The following SMARCC1 variants were observed in gnomAD, a reference collection of about 807,000 sequenced individuals.
The protein encoded by SMARCC1 is SWI/SNF related BAF chromatin remodeling complex subunit C1.
A neutral mutation model predicts 147.4 loss-of-function variants in SMARCC1; 43 were observed. The observed-to-expected ratio is 0.29, with a 90% CI of 0.23 to 0.38. The LOEUF (loss-of-function observed/expected upper bound fraction) is 0.38. Among genes scored for constraint, SMARCC1 ranks in the 10% least tolerant of loss-of-function variants. The pLI is 1.00. For synonymous variants in SMARCC1, 495 were observed against 484.4 expected, an observed-to-expected ratio of 1.02 and a Z score of -0.29; for missense variants, 1,119 against 1,381.1, an observed-to-expected ratio of 0.81 and a Z score of 3.01.
At chr3:47,624,740 G>A (rs1344344127) in intron 24 of SMARCC1, among the ~76,000 whole-genome samples, 4 of 152,056 alleles carry the variant, frequency 2.6e-5, no homozygotes, top group African/African-American at 9.7e-5. Context: ...AGTTTATAGG[G>A]CAAGCGATGA....
At chr3:47,639,575 G>A (rs1291529841) in intron 21 of SMARCC1, among the ~76,000 whole-genome samples, 3 of 152,100 alleles carry the variant, frequency 2.0e-5, no homozygotes, top group African/African-American at 4.8e-5. Context: ...TTAGCCAGGT[G>A]CGGTGGTGTG....
intron 2 of SMARCC1, 131 bp downstream of exon 2, chr3:47,772,686 T>C (rs948373326): frequency 2.6e-5 from 21 of 795,298 alleles, no homozygotes; most frequent in Non-Finnish European, 3.3e-5. Flanking sequence ...ATTCTATAAC[T>C]AAAATTTGTT....
intron 18 of SMARCC1, among the ~76,000 whole-genome samples, chr3:47,674,474 T>C (rs2033543795): frequency 6.6e-6 from 1 of 152,246 alleles, no homozygotes; most frequent in Non-Finnish European, 1.5e-5. Flanking sequence ...CTTTGATCAT[T>C]TTTGTTGAAA....
intron 2 of SMARCC1, among the ~76,000 whole-genome samples, chr3:47,769,523 C>T (rs536335729): frequency 1.3e-5 from 2 of 152,050 alleles, no homozygotes; most frequent in Non-Finnish European, 2.9e-5. Context: ...CACCGCACTC[C>T]GCCAACCATA....
intron 25 of SMARCC1, among the ~76,000 whole-genome samples, chr3:47,616,145 CA>C (rs2032640761): frequency 6.6e-6 from 1 of 152,208 alleles, no homozygotes; most frequent in Non-Finnish European, 1.5e-5. Context: ...ATGTGGGGCC[CA>C]GGCCCTTCAA....
At chr3:47,728,104 T>TG (rs1295466829) in intron 6 of SMARCC1, among the ~76,000 whole-genome samples, 3 of 143,844 alleles carry the variant, frequency 2.1e-5, no homozygotes, top group African/African-American at 7.8e-5. Flanking sequence ...TTTTTTTTTT[T>TG]GAGATGGAGT....
chr3:47,605,093 AT>A (rs1191536655), intron 26 of SMARCC1, among the ~76,000 whole-genome samples: 1 of 152,212 alleles, frequency 6.6e-6, no homozygotes, highest in Non-Finnish European at 1.5e-5. Flanking sequence ...ATTTGGAAAA[AT>A]TATTATCTTG....
At chr3:47,718,138 C>CAAAAA (rs71070217) in intron 7 of SMARCC1, among the ~76,000 whole-genome samples, 1 of 53,680 alleles carries the variant, frequency 1.9e-5, no homozygotes, top group East Asian at 5.8e-4. Flanking sequence ...GACCTTGTCT[C>CAAAAA]AAAAAAAAAA....
chr3:47,638,931 A>G (rs1194165066), intron 21 of SMARCC1, 151 bp from the exon 22 acceptor site: 2 of 643,712 alleles, frequency 3.1e-6, no homozygotes, highest in Non-Finnish European at 5.5e-6. Context: ...GTCAGGCACA[A>G]AACAACACAC....
At chr3:47,632,881 AG>A (rs1483203171) in intron 24 of SMARCC1, among the ~76,000 whole-genome samples, 1 of 152,092 alleles carries the variant, frequency 6.6e-6, no homozygotes, top group African/African-American at 2.4e-5. Flanking sequence ...AGAGAGAGAT[AG>A]GGAGGTTACT....
At chr3:47,746,934 T>C (rs1045027738) in intron 2 of SMARCC1, among the ~76,000 whole-genome samples, 1 of 151,962 alleles carries the variant, frequency 6.6e-6, no homozygotes, top group Non-Finnish European at 1.5e-5. Flanking sequence ...TTCTCTATGT[T>C]GGCCAGGCTG....
At chr3:47,707,078 A>G (rs1427109189) in intron 9 of SMARCC1, among the ~76,000 whole-genome samples, 2 of 152,186 alleles carry the variant, frequency 1.3e-5, no homozygotes, top group Non-Finnish European at 2.9e-5. Context: ...TGGGAAGCCG[A>G]GGCGGGAAGA....
rs2034560265 is a variant in SMARCC1 at position 47,745,988 on chromosome 3, C to T, written c.321G>A (p.Lys107=). 9 of 1,573,736 alleles carry T rather than the reference C, an allele frequency of 5.7e-6. No individual in the cohort carries two copies. The highest frequency in any genetic ancestry group is 6.9e-6 in the Non-Finnish European group (8 of 1,165,004). ...TNPAFTKLPA[K]CFMDFKAGGA... ...CTCCAGCTTTGAAATCCATGAAACA[C>T]TTTGCCTAAAAATGATACAAATTAC... Residue 107 remains lysine (K), a synonymous_variant, in exon 3 of 28, where the codon AAG becomes AAA. Transcript: ENST00000254480.
At position 47,586,826 on chromosome 3, in the gene SMARCC1, A is replaced by T. The variant is rs929509525; in HGVS notation, c.*1383T>A. 1.3e-5 allele frequency: 2 copies of T among 152,604 alleles called. No homozygotes were observed. Among genetic ancestry groups the T allele is most frequent in the Non-Finnish European group, 2.9e-5 (2 of 68,044 alleles). The allele number at this position is 152,604 out of a possible 1,614,324, so 9.5% of individuals were successfully genotyped here. On this transcript the variant is annotated 3_prime_UTR_variant, in exon 28 of 28. Coordinates refer to ENST00000254480, the MANE Select transcript of SMARCC1 (RefSeq NM_003074.4). ...ATGGAAGGACAGAAGGGAGGGAAGGACAAGAGGAAAAAACCGGGAACTCTC... is the reference window on the plus strand; with the variant it reads ...ATGGAAGGACAGAAGGGAGGGAAGGTCAAGAGGAAAAAACCGGGAACTCTC...
chr3:47,699,244 T>G (rs1486630981), intron 11 of SMARCC1, among the ~76,000 whole-genome samples: 1 of 152,100 alleles, frequency 6.6e-6, no homozygotes, highest in Non-Finnish European at 1.5e-5. Context: ...TATACTTAAA[T>G]TCAGAAAAAT....
At position 47,768,338 on chromosome 3, in the gene SMARCC1, A is replaced by G. The variant is rs531879360; in HGVS notation, c.315+4479T>C. ...GAGGAAGGCAAGTACATCGGTTCCCAGTGGCACTAAACCAGGAATTGTTTT... is the reference window on the plus strand; with the variant it reads ...GAGGAAGGCAAGTACATCGGTTCCCGGTGGCACTAAACCAGGAATTGTTTT... On this transcript the variant is annotated intron_variant, in intron 2 of 27. Transcript: ENST00000254480. Among the ~76,000 whole-genome samples, 7 of 152,302 alleles carry G rather than the reference A, an allele frequency of 4.6e-5. No individual in the cohort carries two copies. The South Asian group carries it at 1.2e-3, about 27-fold the overall frequency.
At chr3:47,695,638 G>C (rs2033839934) in intron 11 of SMARCC1, among the ~76,000 whole-genome samples, 1 of 150,616 alleles carries the variant, frequency 6.6e-6, no homozygotes, top group South Asian at 2.1e-4. Flanking sequence ...ATGGTGGAAG[G>C]CACCTGTAAT....
At chr3:47,590,876 A>G in intron 26 of SMARCC1, 39 bp from the exon 27 acceptor site, 1 of 1,545,014 alleles carries the variant, frequency 6.5e-7, no homozygotes, top group Non-Finnish European at 8.8e-7. Flanking sequence ...GTATACTAGA[A>G]AGGGGTGTAA....
intron 9 of SMARCC1, among the ~76,000 whole-genome samples, chr3:47,710,259 A>C (rs933951799): frequency 1.3e-5 from 2 of 152,206 alleles, no homozygotes; most frequent in Non-Finnish European, 2.9e-5. Context: ...CAGAGGTTGC[A>C]GTGAGCCGAG....
Sources: allele counts gnomAD v4.1 joint callset (sites outside exome capture counted in the v4.1 genomes callset), GRCh38; gene constraint gnomAD v4.1.1; transcripts MANE v1.5; gene names NCBI Gene and HGNC (gene_info 2026-07-23, HGNC 2026-07-21).